Variants in RAPGEF2 observed in about 807,000 individuals in gnomAD.
RAPGEF2 encodes PDZ domain containing guanine nucleotide exchange factor (GEF) 1.
RAPGEF2 carries 54 observed loss-of-function variants against 186.7 expected under a neutral mutation model. That is an observed-to-expected ratio of 0.29 (90% confidence interval 0.23 to 0.36). The LOEUF (loss-of-function observed/expected upper bound fraction) is 0.36, where lower values mean the gene tolerates loss of function less well. Ranked by LOEUF, RAPGEF2 falls within the 10% of genes least tolerant of loss-of-function variation. The pLI is 1.00. For missense variants in RAPGEF2, 1,532 were observed against 2,045.0 expected, an observed-to-expected ratio of 0.75 and a Z score of 4.84; for synonymous variants, 712 against 705.9, an observed-to-expected ratio of 1.01 and a Z score of -0.14.
chr4:159,276,808 C>T (rs1758940004), intron 7 of RAPGEF2, among the ~76,000 whole-genome samples: 1 of 151,336 alleles, frequency 6.6e-6, no homozygotes, highest in East Asian at 1.9e-4. Context: ...TGAACATCCT[C>T]ACAAAAGTTC....
chr4:159,139,947 A>G (rs80344934), intron 1 of RAPGEF2, among the ~76,000 whole-genome samples: 1,588 of 152,338 alleles, frequency 0.01, 29 homozygotes, highest in African/African-American at 0.036. Flanking sequence ...ATACATTTTG[A>G]AAGGGAAATG....
In RAPGEF2 at chr4:159,103,695, T is replaced by G. The variant is rs1737435182; in HGVS notation, c.-468T>G. ...AGCCCCTGAGAGGAGGGGGCGACCCTCAGCGCCGTGGGGGAGGAGGCTCCG... is the reference window on the plus strand; with the variant it reads ...AGCCCCTGAGAGGAGGGGGCGACCCGCAGCGCCGTGGGGGAGGAGGCTCCG... On this transcript the variant is annotated 5_prime_UTR_variant, in exon 1 of 30. Coordinates refer to ENST00000691494, the MANE Select transcript of RAPGEF2 (RefSeq NM_001394067.2). 1 of 152,490 alleles carries G rather than the reference T, an allele frequency of 6.6e-6. No individual in the cohort carries two copies. Among genetic ancestry groups the G allele is most frequent in the Admixed American group, 6.5e-5 (1 of 15,276 alleles). The allele number at this position is 152,490 out of a possible 1,614,324, so 9.4% of individuals were successfully genotyped here.
At chr4:159,269,842 A>G (rs1272054696) in intron 7 of RAPGEF2, among the ~76,000 whole-genome samples, 1 of 152,174 alleles carries the variant, frequency 6.6e-6, no homozygotes, top group Admixed American at 6.5e-5. Context: ...ATCCATCTCT[A>G]TTTAAAAAAA....
intron 7 of RAPGEF2, among the ~76,000 whole-genome samples, chr4:159,269,899 C>G (rs1455434441): frequency 2.6e-5 from 4 of 152,120 alleles, no homozygotes; most frequent in Non-Finnish European, 5.9e-5. Context: ...GAGGAAAACA[C>G]ATTACTACAT....
intron 11 of RAPGEF2, chr4:159,329,279 C>T (rs1766343128): frequency 6.6e-6 from 1 of 152,082 alleles, no homozygotes; most frequent in Non-Finnish European, 1.5e-5. Flanking sequence ...GCAAGGATTA[C>T]CCTTAATACC....
intron 7 of RAPGEF2, among the ~76,000 whole-genome samples, chr4:159,297,030 G>A (rs1477987255): frequency 1.3e-5 from 2 of 152,034 alleles, no homozygotes; most frequent in African/African-American, 4.8e-5. Context: ...TTTCATACAC[G>A]CAAGAATTAA....
At chr4:159,204,639 T>C (rs1236981286) in intron 3 of RAPGEF2, among the ~76,000 whole-genome samples, 1 of 152,212 alleles carries the variant, frequency 6.6e-6, no homozygotes, top group Admixed American at 6.5e-5. Flanking sequence ...TTCCTGTTGA[T>C]GAAAAACAGA....
At chr4:159,197,566 G>A (rs1479953684) in intron 3 of RAPGEF2, among the ~76,000 whole-genome samples, 4 of 152,164 alleles carry the variant, frequency 2.6e-5, no homozygotes, top group Admixed American at 2.6e-4. Context: ...CTCTATTCCA[G>A]GAGAGGAAAT....
At chr4:159,306,650 C>G (rs185751378) in intron 8 of RAPGEF2, among the ~76,000 whole-genome samples, 18 of 152,206 alleles carry the variant, frequency 1.2e-4, no homozygotes, top group African/African-American at 4.3e-4. Flanking sequence ...ATTGCTCTGG[C>G]TAGGACTTAG....
chr4:159,322,661 T>A (rs1765375295), intron 10 of RAPGEF2, among the ~76,000 whole-genome samples, 178 bp downstream of exon 10: 1 of 152,204 alleles, frequency 6.6e-6, no homozygotes, highest in Non-Finnish European at 1.5e-5. Context: ...TTCACACTGC[T>A]GATAAAGAAA....
chr4:159,145,196 C>T (rs188600295), intron 1 of RAPGEF2, among the ~76,000 whole-genome samples: 9 of 151,896 alleles, frequency 5.9e-5, no homozygotes. Context: ...TTTTTTCCCG[C>T]TTTATTGTAG....
intron 7 of RAPGEF2, among the ~76,000 whole-genome samples, chr4:159,276,356 A>G (rs1758869840): frequency 6.6e-6 from 1 of 152,234 alleles, no homozygotes; most frequent in Admixed American, 6.5e-5. Context: ...ATATGGATGC[A>G]TAGGACTTCC....
chr4:159,128,330 T>A (rs1740607513), intron 1 of RAPGEF2, among the ~76,000 whole-genome samples: 1 of 152,140 alleles, frequency 6.6e-6, no homozygotes, highest in Non-Finnish European at 1.5e-5. Context: ...TGGATCTTAG[T>A]TTTCTCACCT....
Position 159,261,488 on chromosome 4 carries a change from G to T in RAPGEF2, c.543+17697G>T, listed in dbSNP as rs1579658014. 2.0e-5 allele frequency among the ~76,000 whole-genome samples: 3 copies of T among 152,312 alleles called. No individual in the cohort carries two copies. In the East Asian group the frequency reaches 5.8e-4, roughly 29 times the overall value. ...TGTAATCTGCCTCTCCATAATTTTA[G>T]TTCATGTTTCTAGGTCTCTTAAAGC... On this transcript the variant is annotated intron_variant, in intron 7 of 29. Coordinates refer to ENST00000691494, the MANE Select transcript of RAPGEF2 (RefSeq NM_001394067.2).
intron 4 of RAPGEF2, among the ~76,000 whole-genome samples, chr4:159,218,241 T>C (rs768558696): frequency 4.6e-5 from 7 of 152,056 alleles, no homozygotes; most frequent in Non-Finnish European, 1.0e-4. Context: ...ACAGCTGGAG[T>C]GCAGATTAAG....
chr4:159,309,719 G>A (rs1763732741), intron 8 of RAPGEF2, among the ~76,000 whole-genome samples: 1 of 152,182 alleles, frequency 6.6e-6, no homozygotes, highest in African/African-American at 2.4e-5. Flanking sequence ...CTGGTTAAAT[G>A]GTATGGCCAT....
At chr4:159,199,507 T>G (rs1361749809) in intron 3 of RAPGEF2, among the ~76,000 whole-genome samples, 1 of 151,980 alleles carries the variant, frequency 6.6e-6, no homozygotes, top group Non-Finnish European at 1.5e-5. Flanking sequence ...AAGAAGGAAC[T>G]CCTTTGATCT....
chr4:159,107,499 TTCTTC>T (rs1298024818), intron 1 of RAPGEF2, among the ~76,000 whole-genome samples: 3 of 152,184 alleles, frequency 2.0e-5, no homozygotes, highest in African/African-American at 4.8e-5. Context: ...GCAAAACTGT[TTCTTC>T]TCTTTAAAGA....
intron 1 of RAPGEF2, among the ~76,000 whole-genome samples, chr4:159,112,539 A>T (rs1409956563): frequency 6.6e-6 from 1 of 152,214 alleles, no homozygotes; most frequent in Non-Finnish European, 1.5e-5. Context: ...AAATCATGAC[A>T]GTAACGGACT....
Sources: gnomAD v4.1 joint callset for allele counts (sites outside exome capture counted in the v4.1 genomes callset) on GRCh38, gnomAD v4.1.1 for gene constraint, MANE v1.5 for transcripts, NCBI Gene and HGNC (gene_info 2026-07-23, HGNC 2026-07-21) for gene names.